Variants in EPAS1 observed in about 807,000 individuals in gnomAD.
EPAS1 encodes endothelial PAS domain-containing protein 1.
EPAS1 carries 23 observed loss-of-function variants against 87.9 expected under a neutral mutation model. That is an observed-to-expected ratio of 0.26 (90% CI 0.19 to 0.37). EPAS1 has a LOEUF of 0.37. Ranked by LOEUF, EPAS1 falls within the 10% of genes least tolerant of loss-of-function variation. EPAS1 has a pLI of 1.00. For synonymous variants in EPAS1, 508 were observed against 444.3 expected (o/e 1.14, Z -1.80); for missense variants, 1,138 against 1,120.7 (o/e 1.02, Z -0.22).
At chr2:46,332,210 T>C (rs1572624666) in intron 1 of EPAS1, among the ~76,000 whole-genome samples, 1 of 150,274 alleles carries the variant, frequency 6.7e-6, no homozygotes, top group East Asian at 2.0e-4. Context: ...CTTATAAGAA[T>C]GGTCCAGGAG....
chr2:46,324,689 T>A (rs1169895908), intron 1 of EPAS1, among the ~76,000 whole-genome samples: 1 of 152,242 alleles, frequency 6.6e-6, no homozygotes, highest in Non-Finnish European at 1.5e-5. Context: ...GCCAAACTTT[T>A]TCCGTACAAG....
At chr2:46,381,766 A>G in intron 13 of EPAS1, 44 bp downstream of exon 13, 1 of 1,612,690 alleles carries the variant, frequency 6.2e-7, no homozygotes, top group East Asian at 2.2e-5. Flanking sequence ...CATAGCCCTT[A>G]GGGAACCCAG....
chr2:46,378,019 G>A lies in EPAS1; in HGVS notation c.1375G>A (p.Val459Met), dbSNP rs1457723486. 6.9e-6 allele frequency: 11 copies of A among 1,602,194 alleles called. No individual in the cohort carries two copies. Among genetic ancestry groups the A allele is most frequent in the South Asian group, 2.3e-5 (2 of 88,808 alleles). ...GGCTGGGAGCCTGCCTGCCTTCACC[G>A]TGCCCCAGGCAGCTGCCCCGGGCAG... is the stretch of plus-strand genomic sequence containing the variant. ...SEAGSLPAFT[V>M]PQAAAPGSTT... Residue 459 changes from valine (V) to methionine (M), a missense_variant, in exon 10 of 16, where the codon GTG becomes ATG. Transcript: ENST00000263734.
Position 46,380,048 on chromosome 2 carries a change from G to A in EPAS1, c.1555-179G>A, listed in dbSNP as rs1035328458. ...AGGCTGGTACATGATACAAGGTCGT[G>A]TACATGACACAGCCAAGTCTGAGGT... On this transcript the variant is annotated intron_variant, in intron 11 of 15. Coordinates refer to ENST00000263734, the MANE Select transcript of EPAS1 (RefSeq NM_001430.5). This position sits in a 1 kb window ranked among gnomAD's most constrained non-coding sequence, Gnocchi z 4.4. The A allele has an allele frequency of 1.3e-5, 12 of 921,904 alleles. No individual in the cohort carries two copies. The highest frequency in any genetic ancestry group is 1.9e-5 in the Non-Finnish European group (11 of 572,022). 57.1% of individuals were successfully genotyped at this position (921,904 alleles called of 1,614,324 possible).
At chr2:46,382,358 A>T (rs2103677724) in intron 14 of EPAS1, 67 bp from the exon 15 acceptor site, 2 of 1,592,586 alleles carry the variant, frequency 1.3e-6, no homozygotes, top group Non-Finnish European at 1.7e-6. Context: ...AAGGGATGCT[A>T]GGGCTTCCTG....
chr2:46,297,886 G>C lies in EPAS1; in HGVS notation c.-26G>C, dbSNP rs1224636526. The C allele has an allele frequency of 6.2e-7, 1 of 1,609,444 alleles. No homozygotes were observed. Among genetic ancestry groups the C allele is most frequent in the East Asian group, 2.2e-5 (1 of 44,668 alleles). ...CAGGGAGCCCAGGTGCTCGGCGTCTGAACGTCTCAAAGGGCCACAGCGACA... is the reference window on the plus strand; with the variant it reads ...CAGGGAGCCCAGGTGCTCGGCGTCTCAACGTCTCAAAGGGCCACAGCGACA... On this transcript the variant is annotated 5_prime_UTR_variant, in exon 1 of 16. Transcript: ENST00000263734.
At chr2:46,323,219 TGC>T (rs1683486170) in intron 1 of EPAS1, among the ~76,000 whole-genome samples, 1 of 152,238 alleles carries the variant, frequency 6.6e-6, no homozygotes, top group African/African-American at 2.4e-5. Context: ...TTTTTTAAGC[TGC>T]TATATTTTGT....
chr2:46,334,073 A>C (rs1410535149), intron 1 of EPAS1, among the ~76,000 whole-genome samples: 1 of 152,112 alleles, frequency 6.6e-6, no homozygotes, highest in Non-Finnish European at 1.5e-5. Context: ...AATTGCTGCC[A>C]TATTTAGAGC....
In EPAS1 at chr2:46,297,708, A is replaced by C. The variant is rs1449551363; in HGVS notation, c.-204A>C. 1.7e-6 allele frequency: 1 copy of C among 599,046 alleles called. No individual in the cohort carries two copies. Among genetic ancestry groups the C allele is most frequent in the Non-Finnish European group, 2.9e-6 (1 of 344,630 alleles). 37.1% of individuals were successfully genotyped at this position (599,046 alleles called of 1,614,324 possible). On this transcript the variant is annotated 5_prime_UTR_variant, in exon 1 of 16. Coordinates refer to ENST00000263734, the MANE Select transcript of EPAS1 (RefSeq NM_001430.5). ...CCGCCTCCGCGCGCAGGTTCCTCCC[A>C]GTCACCTTTCTCCACCCCCGCCCCC...
chr2:46,308,473 T>A (rs1572613388), intron 1 of EPAS1, among the ~76,000 whole-genome samples: 1 of 123,692 alleles, frequency 8.1e-6, no homozygotes, highest in Non-Finnish European at 1.8e-5. Context: ...GGGGGGGGGC[T>A]CTGAAATCAT....
At chr2:46,345,176 C>A (rs1683998755) in intron 1 of EPAS1, among the ~76,000 whole-genome samples, 1 of 152,120 alleles carries the variant, frequency 6.6e-6, no homozygotes, top group African/African-American at 2.4e-5. Flanking sequence ...GACAGGGTCT[C>A]ACTATATTGC....
At chr2:46,318,181 T>C (rs199773930) in intron 1 of EPAS1, among the ~76,000 whole-genome samples, 5 of 150,576 alleles carry the variant, frequency 3.3e-5, no homozygotes, top group African/African-American at 1.2e-4. Flanking sequence ...GAGAGAGAGA[T>C]ACACACACAC....
chr2:46,329,119 C>A (rs1314285374), intron 1 of EPAS1, among the ~76,000 whole-genome samples: 1 of 152,178 alleles, frequency 6.6e-6, no homozygotes. Context: ...TTTTTAAAGT[C>A]AAGTTGCATA....
chr2:46,321,009 A>C (rs1683445352), intron 1 of EPAS1, among the ~76,000 whole-genome samples: 1 of 152,174 alleles, frequency 6.6e-6, no homozygotes, highest in Non-Finnish European at 1.5e-5. Flanking sequence ...CTCAAATGGA[A>C]ACTCTGTACT....
intron 1 of EPAS1, among the ~76,000 whole-genome samples, chr2:46,311,936 A>T (rs1683218440): frequency 6.6e-6 from 1 of 152,210 alleles, no homozygotes; most frequent in Admixed American, 6.5e-5. Flanking sequence ...TCTTTTGAGC[A>T]CATTTGAAAC....
At chr2:46,381,358 C>A in intron 12 of EPAS1, 1 of 593,966 alleles carries the variant, frequency 1.7e-6, no homozygotes, top group Non-Finnish European at 3.0e-6. Flanking sequence ...CATTGCCCAG[C>A]CAGGCAGCCA....
rs1684282110 is a variant in EPAS1 at position 46,356,921 on chromosome 2, GGA to G, written c.454+114_454+115del. ...ATGGCCCTTGTGATGCAGGAAAAAT[GGA>G]TGTCCTTAAAAAATTTAAGTATGTA... On this transcript the variant is annotated intron_variant, in intron 4 of 15. Transcript: ENST00000263734. 5 of 781,114 alleles carry G rather than the reference GGA, an allele frequency of 6.4e-6. No homozygotes were observed. The East Asian group carries it at 1.1e-4, about 17-fold the overall frequency. The allele number at this position is 781,114 out of a possible 1,614,324, so 48.4% of individuals were successfully genotyped here.
chr2:46,328,371 G>T (rs1683606662), intron 1 of EPAS1, among the ~76,000 whole-genome samples: 1 of 152,206 alleles, frequency 6.6e-6, no homozygotes. Flanking sequence ...ACCAAACATG[G>T]GAGGTGGCAG....
chr2:46,326,010 A>G (rs1683555014), intron 1 of EPAS1, among the ~76,000 whole-genome samples: 1 of 152,224 alleles, frequency 6.6e-6, no homozygotes, highest in Non-Finnish European at 1.5e-5. Context: ...AAACCTTGGA[A>G]TAGCATGGGT....
Sources: allele counts gnomAD v4.1 joint callset (sites outside exome capture counted in the v4.1 genomes callset), GRCh38; gene constraint gnomAD v4.1.1; non-coding constraint Gnocchi (gnomAD v3.1); transcripts MANE v1.5; gene names NCBI Gene and HGNC (gene_info 2026-07-23, HGNC 2026-07-21).